BIRC6: variants seen among roughly 807,000 people sequenced by gnomAD.
The protein encoded by BIRC6 is dual E2 ubiquitin-conjugating enzyme/E3 ubiquitin-protein ligase BIRC6.
In BIRC6, 98 loss-of-function variants were observed where a neutral mutation model predicts 503.3. The observed-to-expected ratio is 0.19, with a 90% CI of 0.17 to 0.23. The LOEUF is 0.23. Ranked by LOEUF, BIRC6 falls within the 10% of genes least tolerant of loss-of-function variation. BIRC6 has a pLI of 1.00. For synonymous variants in BIRC6, 2,240 were observed against 2,078.7 expected (o/e 1.08, Z -2.11); for missense variants, 5,360 against 5,806.0 (o/e 0.92, Z 2.50).
chr2:32,446,684 T>C (rs1317404354), intron 21 of BIRC6, among the ~76,000 whole-genome samples: 2 of 150,862 alleles, frequency 1.3e-5, no homozygotes, highest in African/African-American at 4.9e-5. Flanking sequence ...GGGAACATAG[T>C]TGAGATTCAC....
At chr2:32,418,617 C>T (rs2042620896) in intron 10 of BIRC6, among the ~76,000 whole-genome samples, 1 of 152,180 alleles carries the variant, frequency 6.6e-6, no homozygotes, top group South Asian at 2.1e-4. Context: ...GACTTGGAAC[C>T]TAGGTGACAT....
Position 32,489,968 on chromosome 2 carries a change from T to G in BIRC6, c.8096-73T>G, listed in dbSNP as rs1572580545. On this transcript the variant is annotated intron_variant, in intron 42 of 73. Transcript: ENST00000421745. ...AAGAAATAGTGTCTTGTTTTTAAAT[T>G]TATTCTTTTGACTTAGTTCTTCATA... 4 of 1,049,674 alleles carry G rather than the reference T, an allele frequency of 3.8e-6. No individual in the cohort carries two copies. The East Asian group carries it at 7.2e-5, about 19-fold the overall frequency. 65.0% of individuals were successfully genotyped at this position (1,049,674 alleles called of 1,614,324 possible). A position where few individuals can be genotyped will look rare whatever the true frequency, so the allele number is the denominator to read the frequency against.
chr2:32,569,289 T>TACA (rs2059763027), intron 65 of BIRC6, among the ~76,000 whole-genome samples: 1 of 151,956 alleles, frequency 6.6e-6, no homozygotes, highest in African/African-American at 2.4e-5. Flanking sequence ...GCACTTGGCC[T>TACA]GTAGTTATTC....
Position 32,468,101 on chromosome 2 carries a change from A to G in BIRC6, c.5770A>G (p.Ile1924Val), listed in dbSNP as rs140491465. ...AATGATGGTTGCTTTGCAGGAGGAT[A>G]TACAGTGCAGGTTAGTACAGAGTGC... ...LAMMVALQED[I>V]QCRYNLACHR... is the part of the protein sequence containing the mutation. Residue 1924 changes from isoleucine (I) to valine (V), a missense_variant, in exon 28 of 74, where the codon ATA becomes GTA. Ile to Val is a conservative substitution (Grantham distance 29). Around this residue, in one of 16 missense-constraint regions of BIRC6, gnomAD observed 2,299 missense variants for 2,267.2 expected, o/e 1.01. Transcript: ENST00000421745. The G allele has an allele frequency of 8.7e-6, 14 of 1,613,768 alleles. No individual in the cohort carries two copies. Among genetic ancestry groups the G allele is most frequent in the African/African-American group, 6.7e-5 (5 of 74,932 alleles).
At chr2:32,484,501 A>G (rs1438374812) in intron 39 of BIRC6, among the ~76,000 whole-genome samples, 2 of 151,084 alleles carry the variant, frequency 1.3e-5, no homozygotes. Context: ...CAGTGAGCCA[A>G]GATCGTGCTG....
intron 3 of BIRC6, among the ~76,000 whole-genome samples, chr2:32,383,448 C>A (rs1324939304): frequency 6.6e-6 from 1 of 152,236 alleles, no homozygotes; most frequent in Non-Finnish European, 1.5e-5. Context: ...TGTCATCATT[C>A]AGCATCTCAA....
chr2:32,617,862 A>G lies in BIRC6; in HGVS notation c.14532A>G (p.Lys4844=). 1 of 1,613,882 alleles carries G rather than the reference A, an allele frequency of 6.2e-7. No individual in the cohort carries two copies. Among genetic ancestry groups the G allele is most frequent in the Non-Finnish European group, 8.5e-7 (1 of 1,179,824 alleles). The change falls in exon 74 of 74, where the codon AAA becomes AAG. Residue 4844 remains lysine (K), a synonymous_variant. Transcript: ENST00000421745. ...AGACTCTAATGCATGATCAGGTTAA[A>G]CCCAGCAGCAGCAAAGAACTCCCCA... ...AEETLMHDQV[K]PSSSKELPSD...
chr2:32,503,326 T>A, intron 49 of BIRC6, 90 bp downstream of exon 49: 1 of 1,038,986 alleles, frequency 9.6e-7, no homozygotes, highest in Admixed American at 2.6e-5. Context: ...CAGTTGATGA[T>A]GTTATATATC....
chr2:32,472,680 G>A (rs537998095), intron 32 of BIRC6, among the ~76,000 whole-genome samples: 42 of 152,238 alleles, frequency 2.8e-4, no homozygotes, highest in Middle Eastern at 6.8e-3. Flanking sequence ...ACAGTTATGC[G>A]TTCTGAACTA....
At chr2:32,545,910 A>G in intron 63 of BIRC6, 50 bp downstream of exon 63, 1 of 1,507,372 alleles carries the variant, frequency 6.6e-7, no homozygotes, top group Non-Finnish European at 9.1e-7. Context: ...AGATTTAATT[A>G]GGGAGTACAG....
intron 27 of BIRC6, 76 bp from the exon 28 acceptor site, chr2:32,467,827 A>G (rs746471544): frequency 1.3e-5 from 18 of 1,432,690 alleles, no homozygotes; most frequent in Middle Eastern, 2.1e-4. Context: ...AAATATAACT[A>G]TCTTTTTAAA....
intron 3 of BIRC6, among the ~76,000 whole-genome samples, chr2:32,384,783 C>T (rs2038201754): frequency 6.6e-6 from 1 of 152,164 alleles, no homozygotes; most frequent in African/African-American, 2.4e-5. Flanking sequence ...CACACAAGTC[C>T]ATTGAGCAAG....
chr2:32,366,978 A>G (rs1162780109), intron 1 of BIRC6, among the ~76,000 whole-genome samples: 1 of 152,092 alleles, frequency 6.6e-6, no homozygotes, highest in Non-Finnish European at 1.5e-5. Context: ...GGCTTTTAAT[A>G]CCTTTCTAAA....
chr2:32,467,311 A>G (rs1421810167), intron 26 of BIRC6, among the ~76,000 whole-genome samples: 1 of 152,044 alleles, frequency 6.6e-6, no homozygotes, highest in Non-Finnish European at 1.5e-5. Flanking sequence ...TTAATTTTCT[A>G]CTTACGTCTT....
intron 23 of BIRC6, among the ~76,000 whole-genome samples, chr2:32,460,318 T>G (rs1296808532): frequency 3.1e-5 from 4 of 130,542 alleles, no homozygotes; most frequent in African/African-American, 8.5e-5. Flanking sequence ...CTCGCTCTGT[T>G]GCCAGGCTGG....
chr2:32,596,887 A>G (rs1456646920), intron 68 of BIRC6, among the ~76,000 whole-genome samples: 1 of 152,180 alleles, frequency 6.6e-6, no homozygotes, highest in Non-Finnish European at 1.5e-5. Flanking sequence ...TGTGTGAGAG[A>G]TTCTGGTTTA....
At chr2:32,433,518 T>C (rs2044366200) in intron 12 of BIRC6, 126 bp from the exon 13 acceptor site, 2 of 730,010 alleles carry the variant, frequency 2.7e-6, no homozygotes, top group East Asian at 2.8e-5. Flanking sequence ...CTTGATCCCA[T>C]TGAGAAACAC....
intron 66 of BIRC6, among the ~76,000 whole-genome samples, chr2:32,591,230 A>G (rs1573235223): frequency 6.6e-6 from 1 of 152,216 alleles, no homozygotes; most frequent in Admixed American, 6.5e-5. Flanking sequence ...GGTCTAATAT[A>G]TATCTGCTTT....
At chr2:32,434,823 G>C (rs899166471) in intron 13 of BIRC6, among the ~76,000 whole-genome samples, 1 of 152,158 alleles carries the variant, frequency 6.6e-6, no homozygotes, top group Non-Finnish European at 1.5e-5. Flanking sequence ...CTGCACCACT[G>C]CACTCCAGCC....
Sources: gnomAD v4.1 joint callset for allele counts (sites outside exome capture counted in the v4.1 genomes callset) on GRCh38, gnomAD v4.1.1 for gene constraint, gnomAD v4.1.1 regional missense constraint, MANE v1.5 for transcripts, NCBI Gene and HGNC (gene_info 2026-07-23, HGNC 2026-07-21) for gene names.